Variants in HIRA observed in about 807,000 individuals in gnomAD.
The protein encoded by HIRA is histone cell cycle regulator.
In HIRA, 13 loss-of-function variants were observed where a neutral mutation model predicts 126.6. That is an observed-to-expected ratio of 0.10 (90% CI 0.07 to 0.16). HIRA has a LOEUF of 0.16. HIRA is among the 10% of genes least tolerant of loss of function. The probability of loss-of-function intolerance (pLI) is 1.00; values close to 1 mark genes in which losing one functional copy is unlikely to be tolerated. For missense variants in HIRA, 834 were observed against 1,314.4 expected (o/e 0.63, Z 5.65); for synonymous variants, 511 against 520.0 (o/e 0.98, Z 0.24).
intron 5 of HIRA, among the ~76,000 whole-genome samples, chr22:19,398,607 A>G (rs562607452): frequency 2.0e-4 from 31 of 152,320 alleles, no homozygotes; most frequent in African/African-American, 7.5e-4. Flanking sequence ...CCCCTTCACT[A>G]TGGAGCCTCC....
chr22:19,383,547 G>T, intron 13 of HIRA, 73 bp downstream of exon 13: 2 of 1,226,056 alleles, frequency 1.6e-6, no homozygotes, highest in Non-Finnish European at 1.2e-6. Context: ...TCCTCACTGT[G>T]AAAGTGTTAA....
chr22:19,416,661 AGATAT>A (rs1462710696), intron 1 of HIRA, among the ~76,000 whole-genome samples: 1 of 152,216 alleles, frequency 6.6e-6, no homozygotes, highest in Non-Finnish European at 1.5e-5. Context: ...ATAATTTCTT[AGATAT>A]GAGACTAAAG....
At chr22:19,362,775 A>G (rs113014533) in intron 15 of HIRA, among the ~76,000 whole-genome samples, 15,933 of 151,122 alleles carry the variant, frequency 0.11, 2,442 homozygotes, top group African/African-American at 0.34. Flanking sequence ...TGGCCAGGCC[A>G]GTCTTGAACT....
chr22:19,385,508 G>C lies in HIRA; in HGVS notation c.1329+13C>G, dbSNP rs1304531435. On this transcript the variant is annotated intron_variant, in intron 12 of 24. Coordinates refer to ENST00000263208, the MANE Select transcript of HIRA (RefSeq NM_003325.4). Reference sequence around the variant, plus strand: ...ATGTCCATGTCTTTAGCGCCACCAGGCAGGGCTCTCACCTTCCTGATATCT... The same window carrying C: ...ATGTCCATGTCTTTAGCGCCACCAGCCAGGGCTCTCACCTTCCTGATATCT... 9 of 1,611,166 alleles carry C rather than the reference G, an allele frequency of 5.6e-6. No homozygotes were observed. Among genetic ancestry groups the C allele is most frequent in the Non-Finnish European group, 6.8e-6 (8 of 1,177,756 alleles).
At chr22:19,385,182 G>A (rs1569302707) in intron 12 of HIRA, among the ~76,000 whole-genome samples, 1 of 152,216 alleles carries the variant, frequency 6.6e-6, no homozygotes, top group Non-Finnish European at 1.5e-5. Context: ...AGATGAAGAA[G>A]GGGGAGCCCA....
At chr22:19,337,987 T>C (rs912072246) in intron 24 of HIRA, among the ~76,000 whole-genome samples, 5 of 152,162 alleles carry the variant, frequency 3.3e-5, no homozygotes, top group Admixed American at 2.6e-4. Context: ...AGGTGGGGTT[T>C]CACCGTGTTG....
chr22:19,390,206 G>C (rs1445528971), intron 9 of HIRA, among the ~76,000 whole-genome samples: 1 of 151,936 alleles, frequency 6.6e-6, no homozygotes, highest in Non-Finnish European at 1.5e-5. Context: ...CTTACCCTTG[G>C]GTTCTCACTC....
At chr22:19,385,135 C>T (rs959595366) in intron 12 of HIRA, among the ~76,000 whole-genome samples, 5 of 152,168 alleles carry the variant, frequency 3.3e-5, no homozygotes, top group Non-Finnish European at 2.9e-5. Context: ...CCTTTTCCCG[C>T]CCCATTTCCA....
chr22:19,379,866 T>C (rs2089056902), intron 13 of HIRA, among the ~76,000 whole-genome samples: 2 of 152,044 alleles, frequency 1.3e-5, no homozygotes, highest in Non-Finnish European at 2.9e-5. Flanking sequence ...TGGAGTGCAG[T>C]GGCGCAATCT....
intron 13 of HIRA, among the ~76,000 whole-genome samples, chr22:19,379,628 TAAA>T (rs753015452): frequency 2.3e-5 from 3 of 130,944 alleles, no homozygotes; most frequent in Non-Finnish European, 5.0e-5. Context: ...TCGCCTCAAT[TAAA>T]AAAAAAAAAA....
At chr22:19,388,906 G>C (rs1450670991) in intron 9 of HIRA, among the ~76,000 whole-genome samples, 2 of 152,148 alleles carry the variant, frequency 1.3e-5, no homozygotes, top group African/African-American at 4.8e-5. Context: ...CTCTGAGAGG[G>C]TCTATGGAGC....
rs550837178 is a variant in HIRA, at chr22:19,416,177, A to C, written c.38-5399T>G. ...ATGGTGCTGCGAAAACTGCACATGC[A>C]AAAGAATGAAGTTGGATCCCTATCT... On this transcript the variant is annotated intron_variant, in intron 1 of 24. Coordinates refer to ENST00000263208, the MANE Select transcript of HIRA (RefSeq NM_003325.4). Among the ~76,000 whole-genome samples, 6 of 152,374 alleles carry C rather than the reference A, an allele frequency of 3.9e-5. No individual in the cohort carries two copies. The South Asian group carries it at 6.2e-4, about 16-fold the overall frequency.
chr22:19,377,876 T>C lies in HIRA; in HGVS notation c.1606A>G (p.Lys536Glu), dbSNP rs1163791660. The C allele has an allele frequency of 1.2e-6, 2 of 1,609,808 alleles. No individual in the cohort carries two copies. The highest frequency in any genetic ancestry group is 4.5e-5 in the East Asian group (2 of 44,728). The change falls in exon 14 of 25, where the codon AAA becomes GAA. Residue 536 changes from lysine (K) to glutamate (E), a missense_variant. Lys to Glu is a moderately conservative substitution (Grantham distance 56, BLOSUM62 1). This residue lies in a region of HIRA where 468 missense variants were observed against 574.2 expected (regional missense o/e 0.82). Coordinates refer to ENST00000263208, the MANE Select transcript of HIRA (RefSeq NM_003325.4). ...SARPAGDSVN[K>E]DSMNATSTPA... is the part of the protein sequence containing the mutation. ...GCCTTGGCACCCACTAACCTGTCTTTATTGACAGAATCGCCTGCAGGTCTG... is the reference window on the plus strand; with the variant it reads ...GCCTTGGCACCCACTAACCTGTCTTCATTGACAGAATCGCCTGCAGGTCTG...
chr22:19,416,323 C>CTTTCT (rs1354217908), intron 1 of HIRA, among the ~76,000 whole-genome samples: 1 of 151,832 alleles, frequency 6.6e-6, no homozygotes, highest in East Asian at 1.9e-4. Flanking sequence ...TTTTTTCTTT[C>CTTTCT]TTTCTTTTCT....
intron 1 of HIRA, among the ~76,000 whole-genome samples, chr22:19,427,125 A>G (rs935951120): frequency 6.6e-6 from 1 of 152,216 alleles, no homozygotes; most frequent in South Asian, 2.1e-4. Flanking sequence ...TTGGGGCTAG[A>G]TAATTCTCCA....
intron 15 of HIRA, among the ~76,000 whole-genome samples, chr22:19,365,298 A>G (rs2088902377): frequency 6.6e-6 from 1 of 152,274 alleles, no homozygotes; most frequent in South Asian, 2.1e-4. Context: ...TTGTCAGTGT[A>G]GGTAAAACAG....
intron 24 of HIRA, among the ~76,000 whole-genome samples, chr22:19,342,250 G>A (rs2088637942): frequency 6.6e-6 from 1 of 151,984 alleles, no homozygotes; most frequent in East Asian, 1.9e-4. Flanking sequence ...AAACCACAAT[G>A]ACATACCACC....
intron 15 of HIRA, among the ~76,000 whole-genome samples, chr22:19,367,576 AGGGT>A (rs1208067869): frequency 2.0e-5 from 3 of 152,202 alleles, no homozygotes; most frequent in Non-Finnish European, 2.9e-5. Flanking sequence ...CATGTTGGCC[AGGGT>A]GGTCTCGAAT....
In HIRA at chr22:19,342,499, G is replaced by A. The variant is rs377262845; in HGVS notation, c.2937+8859C>T. 1.3e-4 allele frequency among the ~76,000 whole-genome samples: 20 copies of A among 152,284 alleles called. No individual in the cohort carries two copies. In the South Asian group the frequency reaches 3.9e-3, roughly 30 times the overall value. ...CCTCCTGGGTTCAAGTGATTCTCCT[G>A]CCTCAGCCTCCTGAGTAGCTGGGAC... On this transcript the variant is annotated intron_variant, in intron 24 of 24. Coordinates refer to ENST00000263208, the MANE Select transcript of HIRA (RefSeq NM_003325.4).
Sources: gnomAD v4.1 joint callset for allele counts (sites outside exome capture counted in the v4.1 genomes callset) on GRCh38, gnomAD v4.1.1 for gene constraint, gnomAD v4.1.1 regional missense constraint, MANE v1.5 for transcripts, NCBI Gene and HGNC (gene_info 2026-07-23, HGNC 2026-07-21) for gene names.